The following TNIP3 variants were observed in gnomAD, a reference collection of about 807,000 sequenced individuals.
TNIP3 encodes the protein TNFAIP3-interacting protein 3.
In TNIP3, 34 loss-of-function variants were observed where a neutral mutation model predicts 54.1. That is an observed-to-expected ratio of 0.63 (90% CI 0.48 to 0.84). The LOEUF (loss-of-function observed/expected upper bound fraction) is 0.84. TNIP3 is among the 40% of genes least tolerant of loss of function. The pLI is 0.00. For synonymous variants in TNIP3, 134 were observed against 136.8 expected (o/e 0.98, Z 0.14); for missense variants, 366 against 387.6 (o/e 0.94, Z 0.47).
intron 3 of TNIP3, among the ~76,000 whole-genome samples, chr4:121,180,778 C>T (rs1560674585): frequency 6.6e-6 from 1 of 152,206 alleles, no homozygotes; most frequent in Non-Finnish European, 1.5e-5. Context: ...TCAAACTCAA[C>T]TCGGTCCTCA....
chr4:121,180,485 C>A (rs1438616094), intron 3 of TNIP3, among the ~76,000 whole-genome samples: 1 of 152,036 alleles, frequency 6.6e-6, no homozygotes, highest in Non-Finnish European at 1.5e-5. Context: ...AATAAAAAGA[C>A]AAGTGAAAAG....
chr4:121,177,183 A>G (rs1214135725), intron 3 of TNIP3, among the ~76,000 whole-genome samples: 1 of 152,156 alleles, frequency 6.6e-6, no homozygotes, highest in Non-Finnish European at 1.5e-5. Flanking sequence ...TTCATATATT[A>G]TTTTCATAAT....
upstream of TNIP3, among the ~76,000 whole-genome samples, chr4:121,219,176 G>T (rs1039735440): frequency 1.3e-5 from 2 of 151,652 alleles, no homozygotes; most frequent in Admixed American, 6.6e-5. Flanking sequence ...CTCCAGCCTG[G>T]GCAACAAGAA....
At chr4:121,156,684 C>T (rs1730107350) in intron 4 of TNIP3, among the ~76,000 whole-genome samples, 1 of 152,154 alleles carries the variant, frequency 6.6e-6, no homozygotes, top group Admixed American at 6.6e-5. Context: ...TGAAAAGCTA[C>T]TGCACAAATA....
intron 3 of TNIP3, among the ~76,000 whole-genome samples, chr4:121,157,789 G>A (rs936529225): frequency 2.0e-5 from 3 of 152,170 alleles, no homozygotes; most frequent in Non-Finnish European, 4.4e-5. Context: ...TTCCAAGATG[G>A]AGATTATAGC....
In TNIP3 at chr4:121,131,935, CAA is replaced by C. The variant is rs1728497922; in HGVS notation, c.*694_*695del. 6.6e-6 allele frequency: 1 copy of C among 152,174 alleles called. No homozygotes were observed. The highest frequency in any genetic ancestry group is 2.4e-5 in the African/African-American group (1 of 41,398). 9.4% of individuals were successfully genotyped at this position (152,174 alleles called of 1,614,324 possible). On this transcript the variant is annotated 3_prime_UTR_variant, in exon 11 of 11. Transcript: ENST00000057513. Reference sequence around the variant, plus strand: ...TAGGCATGAGCCACTGCACCCAGCCCAAGACTTTATCTTTCATAATCAAGTCT... The same window carrying C: ...TAGGCATGAGCCACTGCACCCAGCCCGACTTTATCTTTCATAATCAAGTCT...
chr4:121,137,107 T>G (rs1728831950), intron 10 of TNIP3, among the ~76,000 whole-genome samples: 1 of 152,200 alleles, frequency 6.6e-6, no homozygotes, highest in South Asian at 2.1e-4. Flanking sequence ...TGTGTAATAT[T>G]GGTCCAGCAA....
intron 5 of TNIP3, among the ~76,000 whole-genome samples, chr4:121,151,949 G>A (rs1729785831): frequency 6.6e-6 from 1 of 152,274 alleles, no homozygotes; most frequent in African/African-American, 2.4e-5. Flanking sequence ...CGGGTGGCAC[G>A]AGCTGAGTAG....
chr4:121,192,898 G>A (rs990965640), intron 2 of TNIP3: 1 of 152,160 alleles, frequency 6.6e-6, no homozygotes, highest in Non-Finnish European at 1.5e-5. Flanking sequence ...CTGCTGAAGT[G>A]AGCACAATTA....
chr4:121,157,998 A>G (rs1730216357), intron 3 of TNIP3, among the ~76,000 whole-genome samples: 1 of 152,228 alleles, frequency 6.6e-6, no homozygotes, highest in South Asian at 2.1e-4. Context: ...TAACAAAATG[A>G]GGAAGAAAGG....
At chr4:121,186,979 A>G (rs1725054662) in intron 2 of TNIP3, among the ~76,000 whole-genome samples, 1 of 152,228 alleles carries the variant, frequency 6.6e-6, no homozygotes, top group African/African-American at 2.4e-5. Flanking sequence ...AGTGAAATCA[A>G]TATGTTTCAT....
At chr4:121,194,530 T>A (rs181290894) in intron 2 of TNIP3, among the ~76,000 whole-genome samples, 165 of 152,262 alleles carry the variant, frequency 1.1e-3, no homozygotes, top group Middle Eastern at 6.8e-3. Flanking sequence ...ATGATTTAGT[T>A]TTTGTTTTGT....
upstream of TNIP3, chr4:121,216,775 G>T: frequency 1.9e-6 from 1 of 518,448 alleles, no homozygotes; most frequent in Non-Finnish European, 3.1e-6. Context: ...TTGTCCAGGA[G>T]CAAGTAAAAG....
chr4:121,154,434 T>C, intron 5 of TNIP3, 117 bp downstream of exon 5: 1 of 1,276,740 alleles, frequency 7.8e-7, no homozygotes, highest in Non-Finnish European at 1.1e-6. Context: ...TAATTTCTTG[T>C]GCAAGCCTCC....
intron 2 of TNIP3, among the ~76,000 whole-genome samples, chr4:121,188,089 G>T (rs1029836192): frequency 1.3e-5 from 2 of 152,168 alleles, no homozygotes; most frequent in Admixed American, 6.5e-5. Flanking sequence ...TAGGCAAAGA[G>T]TTTGAGGTGA....
chr4:121,145,595 A>C (rs2148800962), intron 7 of TNIP3, among the ~76,000 whole-genome samples: 1 of 149,744 alleles, frequency 6.7e-6, no homozygotes, highest in South Asian at 2.1e-4. Context: ...AGAATAAATA[A>C]AATTATTTAA....
At chr4:121,141,222 G>C (rs911225221) in intron 9 of TNIP3, among the ~76,000 whole-genome samples, 1 of 152,150 alleles carries the variant, frequency 6.6e-6, no homozygotes, top group Admixed American at 6.5e-5. Flanking sequence ...GAAAAAAAGG[G>C]TGCTTTGGGC....
intron 10 of TNIP3, 146 bp downstream of exon 10, chr4:121,138,478 G>A: frequency 1.4e-6 from 1 of 694,978 alleles, no homozygotes; most frequent in Non-Finnish European, 2.4e-6. Flanking sequence ...TTTAACCCCA[G>A]GTGCATCAAA....
chr4:121,173,805 A>T (rs986551884), intron 3 of TNIP3, among the ~76,000 whole-genome samples: 12 of 151,942 alleles, frequency 7.9e-5, no homozygotes, highest in African/African-American at 2.7e-4. Context: ...ATTTTTTTGT[A>T]ATTTTAGTAG....
Sources: allele counts gnomAD v4.1 joint callset (sites outside exome capture counted in the v4.1 genomes callset), GRCh38; gene constraint gnomAD v4.1.1; transcripts MANE v1.5; gene names NCBI Gene and HGNC (gene_info 2026-07-23, HGNC 2026-07-21).